The following LMNTD1 variants were observed in gnomAD, a reference collection of about 807,000 sequenced individuals.
LMNTD1 encodes the protein lamin tail domain containing 1, also known as lamin tail domain-containing protein 1.
In LMNTD1, 35 loss-of-function variants were observed where a neutral mutation model predicts 50.9. The ratio of observed to expected loss-of-function variants is 0.69; its 90% CI spans 0.53 to 0.91. The LOEUF (loss-of-function observed/expected upper bound fraction) is 0.91, where lower values mean the gene tolerates loss of function less well. Ranked by LOEUF, LMNTD1 falls within the 40% of genes least tolerant of loss-of-function variation. The pLI is 0.00. For missense variants in LMNTD1, 470 were observed against 475.5 expected (o/e 0.99, Z 0.11); for synonymous variants, 153 against 161.9 (o/e 0.94, Z 0.42).
At chr12:25,490,272 C>T (rs113049897) in intron 9 of LMNTD1, among the ~76,000 whole-genome samples, 1,672 of 152,248 alleles carry the variant, frequency 0.011, 29 homozygotes, top group African/African-American at 0.038. Context: ...AAAGAACTAG[C>T]AAAACTCCAC....
chr12:25,646,110 C>T (rs1436411585), intron 1 of LMNTD1, among the ~76,000 whole-genome samples: 2 of 152,024 alleles, frequency 1.3e-5, no homozygotes, highest in Admixed American at 6.5e-5. Flanking sequence ...AAAATAAAAT[C>T]ACAATACCTG....
At chr12:25,482,162 G>C (rs1938466887) in intron 9 of LMNTD1, among the ~76,000 whole-genome samples, 1 of 151,992 alleles carries the variant, frequency 6.6e-6, no homozygotes, top group Non-Finnish European at 1.5e-5. Flanking sequence ...TACAATTGCT[G>C]TCATCAGCAT....
Position 25,549,376 on chromosome 12 carries a change from A to C in LMNTD1, c.260T>G (p.Leu87Trp). 6.2e-7 allele frequency: 1 copy of C among 1,613,020 alleles called. No individual in the cohort carries two copies. The highest frequency in any genetic ancestry group is 1.1e-5 in the South Asian group (1 of 90,972). The change falls in exon 3 of 10, where the codon TTG (leucine) becomes TGG (tryptophan). Residue 87 changes from leucine (L) to tryptophan (W), a missense_variant. By Grantham distance (61) the Leu-to-Trp change is moderately conservative. Transcript: ENST00000458174. ...SRVTISTTGQ[L>W]TSKATVGSCS... is the part of the protein sequence containing the mutation. ...GCTACCTACAGTAGCTTTAGAAGTCAATTGTCCAGTTGTTGATATAGTTAC... is the reference window on the plus strand; with the variant it reads ...GCTACCTACAGTAGCTTTAGAAGTCCATTGTCCAGTTGTTGATATAGTTAC...
chr12:25,642,012 A>G (rs1946967617), intron 1 of LMNTD1, among the ~76,000 whole-genome samples: 1 of 152,182 alleles, frequency 6.6e-6, no homozygotes, highest in Non-Finnish European at 1.5e-5. Flanking sequence ...GCAACCCAAG[A>G]GTTTTCCTTA....
At chr12:25,572,993 C>T (rs192229318) in intron 1 of LMNTD1, among the ~76,000 whole-genome samples, 45 of 152,218 alleles carry the variant, frequency 3.0e-4, no homozygotes, top group Admixed American at 2.7e-3. Flanking sequence ...AATCCTCAGT[C>T]TCCTTCTGCA....
At chr12:25,543,166 G>C (rs925837116) in intron 4 of LMNTD1, among the ~76,000 whole-genome samples, 2 of 151,574 alleles carry the variant, frequency 1.3e-5, no homozygotes, top group African/African-American at 4.8e-5. Flanking sequence ...GGCCCAGATG[G>C]CTTCACCAAT....
At chr12:25,606,333 C>T (rs941488065) in intron 1 of LMNTD1, among the ~76,000 whole-genome samples, 14 of 152,218 alleles carry the variant, frequency 9.2e-5, no homozygotes, top group African/African-American at 3.4e-4. Context: ...ATTTCCTTCT[C>T]CTGCCTGATT....
intron 1 of LMNTD1, among the ~76,000 whole-genome samples, chr12:25,585,131 A>AGTTGT (rs1180360326): frequency 2.0e-5 from 3 of 152,188 alleles, no homozygotes; most frequent in African/African-American, 7.2e-5. Context: ...CGAGTCTGAC[A>AGTTGT]GTTGTGTCCC....
chr12:25,491,213 G>A lies in LMNTD1; in HGVS notation c.*22+12525C>T, dbSNP rs373307462. Reference sequence around the variant, plus strand: ...CCAAAGGAAACTTAGCATTTTATACGGAGAAAATCAAATGTTGATCAAGAG... The same window carrying A: ...CCAAAGGAAACTTAGCATTTTATACAGAGAAAATCAAATGTTGATCAAGAG... On this transcript the variant is annotated intron_variant, in intron 9 of 9. Transcript: ENST00000458174. 2.7e-4 allele frequency among the ~76,000 whole-genome samples: 41 copies of A among 152,276 alleles called. 1 individual carries two copies. The highest frequency in any genetic ancestry group is 6.5e-4 in the Admixed American group (10 of 15,304).
intron 1 of LMNTD1, among the ~76,000 whole-genome samples, chr12:25,591,950 G>C (rs933079024): frequency 6.6e-6 from 1 of 151,996 alleles, no homozygotes; most frequent in Non-Finnish European, 1.5e-5. Flanking sequence ...GGCCATTAAA[G>C]TAGTACCTCT....
chr12:25,624,753 C>G (rs912688359), intron 1 of LMNTD1, among the ~76,000 whole-genome samples: 1 of 152,146 alleles, frequency 6.6e-6, no homozygotes, highest in Non-Finnish European at 1.5e-5. Flanking sequence ...TAGTTGTGTA[C>G]TCATTAGCTT....
In LMNTD1 at chr12:25,621,592, G is replaced by A. The variant is rs181154552; in HGVS notation, c.58+26902C>T. ...TATATTATATCTGAAAGTTTGTATCGTTTGACCAACACCTCCTCATATTTC... is the reference window on the plus strand; with the variant it reads ...TATATTATATCTGAAAGTTTGTATCATTTGACCAACACCTCCTCATATTTC... On this transcript the variant is annotated intron_variant, in intron 1 of 7. Coordinates refer to the LMNTD1 transcript ENST00000445693. 8.5e-5 allele frequency among the ~76,000 whole-genome samples: 13 copies of A among 152,136 alleles called. No homozygotes were observed. The East Asian group carries it at 2.1e-3, about 25-fold the overall frequency.
At chr12:25,581,667 T>C (rs1458013008) in intron 1 of LMNTD1, among the ~76,000 whole-genome samples, 2 of 152,222 alleles carry the variant, frequency 1.3e-5, no homozygotes, top group African/African-American at 4.8e-5. Context: ...GATGGGTATA[T>C]GTTCTAGTTC....
At chr12:25,573,213 A>G (rs572669051) in intron 1 of LMNTD1, among the ~76,000 whole-genome samples, 28 of 151,984 alleles carry the variant, frequency 1.8e-4, no homozygotes, top group Middle Eastern at 6.8e-3. Context: ...TCTTATCTTC[A>G]ACCATTACAT....
chr12:25,616,893 G>A (rs886524577), intron 1 of LMNTD1, among the ~76,000 whole-genome samples: 1 of 152,118 alleles, frequency 6.6e-6, no homozygotes, highest in African/African-American at 2.4e-5. Flanking sequence ...TGGAGTGACA[G>A]GAATGTTCTA....
chr12:25,643,268 G>T (rs1243656909), intron 1 of LMNTD1, among the ~76,000 whole-genome samples: 1 of 152,286 alleles, frequency 6.6e-6, no homozygotes, highest in East Asian at 1.9e-4. Context: ...GTTGAATCCT[G>T]CATGACAAGA....
chr12:25,572,835 T>A (rs778499801), intron 1 of LMNTD1, among the ~76,000 whole-genome samples: 1 of 133,166 alleles, frequency 7.5e-6, no homozygotes, highest in African/African-American at 2.8e-5. Flanking sequence ...TTCTGCCAGA[T>A]AACTTTAGGG....
At chr12:25,592,787 G>T in intron 1 of LMNTD1, 1 of 152,474 alleles carries the variant, frequency 6.6e-6, no homozygotes, top group Non-Finnish European at 1.5e-5. Context: ...CGTCCTACTT[G>T]GTTTTGCAGC....
chr12:25,611,032 G>A lies in LMNTD1; in HGVS notation c.58+37462C>T, dbSNP rs370530768. Among the ~76,000 whole-genome samples the A allele has an allele frequency of 1.1e-4, 17 of 152,264 alleles. No homozygotes were observed. The East Asian group carries it at 1.9e-3, about 17-fold the overall frequency. ...AACACCTATTTCTAGGCGCACAGAGGAGTCAAAGAAGCAGAGAAGGAAAGT... is the reference window on the plus strand; with the variant it reads ...AACACCTATTTCTAGGCGCACAGAGAAGTCAAAGAAGCAGAGAAGGAAAGT... On this transcript the variant is annotated intron_variant, in intron 1 of 7. Transcript: ENST00000445693.
Sources: gnomAD v4.1 joint callset for allele counts (sites outside exome capture counted in the v4.1 genomes callset) on GRCh38, gnomAD v4.1.1 for gene constraint, MANE v1.5 for transcripts, NCBI Gene and HGNC (gene_info 2026-07-23, HGNC 2026-07-21) for gene names.